The following KIAA1217 variants were observed in gnomAD, a reference collection of about 807,000 sequenced individuals.
KIAA1217 encodes KIAA1217, also known as sickle tail protein homolog.
A neutral mutation model predicts 163.9 loss-of-function variants in KIAA1217; 88 were observed. That is an observed-to-expected ratio of 0.54 (90% CI 0.45 to 0.64). KIAA1217 has a LOEUF of 0.64. Among genes scored for constraint, KIAA1217 ranks in the 30% least tolerant of loss-of-function variants. The pLI, the probability that KIAA1217 is intolerant of heterozygous loss-of-function variation, is 0.00. For synonymous variants in KIAA1217, 903 were observed against 923.1 expected (o/e 0.98, Z 0.39); for missense variants, 2,372 against 2,475.0 (o/e 0.96, Z 0.88).
At chr10:23,835,629 T>C (rs1838405602) in intron 1 of KIAA1217, among the ~76,000 whole-genome samples, 1 of 152,222 alleles carries the variant, frequency 6.6e-6, no homozygotes, top group Admixed American at 6.5e-5. Context: ...TGAAAAAGTA[T>C]GAATTTACTG....
chr10:24,112,948 T>G (rs950822850), intron 2 of KIAA1217, among the ~76,000 whole-genome samples: 2 of 151,090 alleles, frequency 1.3e-5, no homozygotes, highest in African/African-American at 4.9e-5. Context: ...CATGTGAAAA[T>G]AGAGGAGGCA....
chr10:24,474,778 A>G (rs1592229461), intron 6 of KIAA1217, among the ~76,000 whole-genome samples: 1 of 152,362 alleles, frequency 6.6e-6, no homozygotes, highest in East Asian at 1.9e-4. Context: ...TAGAAAAGCT[A>G]ATTTTGATAA....
intron 9 of KIAA1217, among the ~76,000 whole-genome samples, chr10:24,508,473 T>C (rs1467614010): frequency 6.6e-6 from 1 of 152,186 alleles, no homozygotes; most frequent in Non-Finnish European, 1.5e-5. Flanking sequence ...AACACTGTAC[T>C]GAAGATTGTA....
At chr10:24,224,324 CTTTCTTTCTTT>C (rs1590033956) in intron 2 of KIAA1217, among the ~76,000 whole-genome samples, 1 of 151,956 alleles carries the variant, frequency 6.6e-6, no homozygotes, top group African/African-American at 2.4e-5. Context: ...ATAGCTTAAT[CTTTCTTTCTTT>C]TTTCTTTCTT....
chr10:24,404,150 G>A (rs533616970), intron 3 of KIAA1217, among the ~76,000 whole-genome samples: 1 of 152,178 alleles, frequency 6.6e-6, no homozygotes, highest in East Asian at 1.9e-4. Flanking sequence ...TTAGACACAG[G>A]GTTTCACCAT....
chr10:24,087,852 C>T (rs1009862323), intron 2 of KIAA1217, among the ~76,000 whole-genome samples: 2 of 152,172 alleles, frequency 1.3e-5, no homozygotes, highest in African/African-American at 4.8e-5. Flanking sequence ...CACTTCCTGC[C>T]TGCAGCGGTG....
chr10:24,258,097 C>G (rs879615785), intron 2 of KIAA1217, among the ~76,000 whole-genome samples: 1 of 152,138 alleles, frequency 6.6e-6, no homozygotes, highest in Admixed American at 6.5e-5. Context: ...GGGAGGATCA[C>G]TTGAGCCCAA....
At chr10:24,423,806 GA>G (rs2058957704) in intron 3 of KIAA1217, among the ~76,000 whole-genome samples, 1 of 152,146 alleles carries the variant, frequency 6.6e-6, no homozygotes, top group Non-Finnish European at 1.5e-5. Flanking sequence ...AAAGTTCTGG[GA>G]TTACAGGCAT....
chr10:24,069,749 T>C (rs565956934), intron 2 of KIAA1217, among the ~76,000 whole-genome samples: 2 of 152,370 alleles, frequency 1.3e-5, no homozygotes, highest in South Asian at 2.1e-4. Context: ...AATGTATCCA[T>C]GAAGCTAAGA....
intron 1 of KIAA1217, among the ~76,000 whole-genome samples, chr10:23,983,991 CA>C (rs1201783680): frequency 1.3e-5 from 2 of 152,162 alleles, no homozygotes; most frequent in Non-Finnish European, 2.9e-5. Flanking sequence ...TGCAAAAACC[CA>C]AAACAATCCC....
chr10:23,817,998 TATATATATATAC>T (rs1379751438), intron 1 of KIAA1217, among the ~76,000 whole-genome samples: 6 of 103,740 alleles, frequency 5.8e-5, no homozygotes, highest in African/African-American at 2.5e-4. Context: ...TATATATATA[TATATATATATAC>T]ACACATATAT....
At chr10:23,714,238 T>G (rs372992936) in intron 1 of KIAA1217, among the ~76,000 whole-genome samples, 3 of 152,274 alleles carry the variant, frequency 2.0e-5, no homozygotes, top group African/African-American at 7.2e-5. Context: ...CTGGAACTAT[T>G]GCAATAACTT....
In KIAA1217 at chr10:24,524,764, G is replaced by C. The variant is rs200767034; in HGVS notation, c.2898G>C (p.Glu966Asp). ...VSAKNRAVSIEKAEKKWEEKR... is the reference protein window; with the variant it reads ...VSAKNRAVSIDKAEKKWEEKR... ...CCAAGAACAGGGCAGTGTCTATCGA[G>C]GTAGAGTCCTATTTCTGTTTCTCAT... Residue 966 changes from glutamate to aspartate, a missense_variant and splice_region_variant, in exon 13 of 21, where the codon GAG becomes GAC. By Grantham distance (45) the Glu-to-Asp change is conservative. Around this residue, in one of 3 missense-constraint regions of KIAA1217, gnomAD observed 1,431 missense variants for 1,470.3 expected, o/e 0.97. Transcript: ENST00000376454. 4.7e-5 allele frequency: 75 copies of C among 1,579,906 alleles called. No homozygotes were observed. The East Asian group carries it at 1.6e-3, about 34-fold the overall frequency.
At chr10:24,179,221 T>A (rs972113306) in intron 2 of KIAA1217, among the ~76,000 whole-genome samples, 1 of 152,230 alleles carries the variant, frequency 6.6e-6, no homozygotes, top group African/African-American at 2.4e-5. Flanking sequence ...TTTGGGCTTC[T>A]GATATGATTT....
At chr10:23,844,070 T>C (rs148716558) in intron 1 of KIAA1217, among the ~76,000 whole-genome samples, 42 of 152,246 alleles carry the variant, frequency 2.8e-4, no homozygotes, top group Middle Eastern at 3.4e-3. Flanking sequence ...AATGGATAAA[T>C]GAGGATTTTA....
chr10:24,356,350 A>G (rs2134123320), intron 2 of KIAA1217, among the ~76,000 whole-genome samples: 1 of 152,328 alleles, frequency 6.6e-6, no homozygotes, highest in Non-Finnish European at 1.5e-5. Flanking sequence ...CGAATGCTGA[A>G]TCTACATCTT....
chr10:24,342,923 C>T (rs910593671), intron 2 of KIAA1217, among the ~76,000 whole-genome samples: 9 of 152,110 alleles, frequency 5.9e-5, no homozygotes, highest in African/African-American at 2.2e-4. Flanking sequence ...TCCAAAAGTG[C>T]TGGGATTACA....
At chr10:23,882,954 G>A (rs1254578801) in intron 1 of KIAA1217, among the ~76,000 whole-genome samples, 1 of 151,912 alleles carries the variant, frequency 6.6e-6, no homozygotes, top group Non-Finnish European at 1.5e-5. Flanking sequence ...ATTCTGGTGG[G>A]AGAGTTTACA....
chr10:24,266,587 G>A (rs143905527), intron 2 of KIAA1217, among the ~76,000 whole-genome samples: 3,458 of 152,058 alleles, frequency 0.023, 57 homozygotes, highest in Middle Eastern at 0.037. Context: ...ACCAATCAGC[G>A]CTCTGTAGCT....
Sources: gnomAD v4.1 joint callset for allele counts (sites outside exome capture counted in the v4.1 genomes callset) on GRCh38, gnomAD v4.1.1 for gene constraint, gnomAD v4.1.1 regional missense constraint, MANE v1.5 for transcripts, NCBI Gene and HGNC (gene_info 2026-07-23, HGNC 2026-07-21) for gene names.